ADD3: variants seen among roughly 807,000 people sequenced by gnomAD.
The protein encoded by ADD3 is gamma-adducin.
A neutral mutation model predicts 80.2 loss-of-function variants in ADD3; 25 were observed. That is an observed-to-expected ratio of 0.31 (90% CI 0.23 to 0.44). The LOEUF (loss-of-function observed/expected upper bound fraction) is 0.44. Among genes scored for constraint, ADD3 ranks in the 20% least tolerant of loss-of-function variants. The probability of loss-of-function intolerance (pLI) is 1.00; values close to 1 mark genes in which losing one functional copy is unlikely to be tolerated. For missense variants in ADD3, 829 were observed against 847.5 expected, an observed-to-expected ratio of 0.98 and a Z score of 0.27; for synonymous variants, 284 against 289.6, an observed-to-expected ratio of 0.98 and a Z score of 0.20.
chr10:110,088,428 AT>A, intron 1 of ADD3, among the ~76,000 whole-genome samples: 1 of 152,200 alleles, frequency 6.6e-6, no homozygotes, highest in African/African-American at 2.4e-5. Flanking sequence ...ACCAAAAAGT[AT>A]TTTTGCAAGT....
At chr10:110,105,671 C>G (rs1163153472) in intron 2 of ADD3, among the ~76,000 whole-genome samples, 1 of 152,142 alleles carries the variant, frequency 6.6e-6, no homozygotes, top group East Asian at 1.9e-4. Context: ...GACATACTAA[C>G]AGTTTTTAAT....
At chr10:110,110,554 G>C (rs1161047563) in intron 2 of ADD3, among the ~76,000 whole-genome samples, 1 of 152,172 alleles carries the variant, frequency 6.6e-6, no homozygotes, top group Non-Finnish European at 1.5e-5. Flanking sequence ...TTAGCACCCA[G>C]CTCTTAGAGT....
At chr10:110,057,914 A>G (rs1858403525) in intron 1 of ADD3, among the ~76,000 whole-genome samples, 1 of 152,258 alleles carries the variant, frequency 6.6e-6, no homozygotes, top group African/African-American at 2.4e-5. Context: ...AGAAAAGCTG[A>G]TGCTAGATAA....
intron 1 of ADD3, among the ~76,000 whole-genome samples, chr10:110,072,330 G>A (rs138324115): frequency 6.6e-6 from 1 of 152,342 alleles, no homozygotes; most frequent in East Asian, 1.9e-4. Flanking sequence ...CTCCCAAAGT[G>A]CTGGGATTAC....
chr10:110,021,103 G>C (rs1383373014), intron 1 of ADD3, among the ~76,000 whole-genome samples: 1 of 152,038 alleles, frequency 6.6e-6, no homozygotes, highest in Admixed American at 6.6e-5. Context: ...GCTCTAATAT[G>C]GGTTTGAAGT....
At chr10:110,071,862 C>T (rs1378144873) in intron 1 of ADD3, among the ~76,000 whole-genome samples, 1 of 152,152 alleles carries the variant, frequency 6.6e-6, no homozygotes, top group Non-Finnish European at 1.5e-5. Context: ...GCTGAACTTA[C>T]CAATCATTGT....
chr10:110,076,440 C>T (rs561106521), intron 1 of ADD3, among the ~76,000 whole-genome samples: 3 of 152,142 alleles, frequency 2.0e-5, no homozygotes, highest in African/African-American at 7.2e-5. Flanking sequence ...TTTACATGTA[C>T]ATTTCAATAT....
upstream of ADD3, among the ~76,000 whole-genome samples, chr10:110,007,155 T>C (rs1851704817): frequency 6.6e-6 from 1 of 152,158 alleles, no homozygotes; most frequent in Non-Finnish European, 1.5e-5. Context: ...CGCATTCATT[T>C]TGAAGGTTCT....
At chr10:110,010,435 G>A (rs747072864) in intron 1 of ADD3, among the ~76,000 whole-genome samples, 3 of 152,180 alleles carry the variant, frequency 2.0e-5, no homozygotes, top group Admixed American at 6.5e-5. Flanking sequence ...ACTGTGTAGC[G>A]TGTTGGGGAA....
chr10:110,051,058 G>C (rs1195042178), intron 1 of ADD3, among the ~76,000 whole-genome samples: 1 of 152,166 alleles, frequency 6.6e-6, no homozygotes, highest in Non-Finnish European at 1.5e-5. Context: ...ATTCAAGGGG[G>C]AGAAAATGGT....
intron 8 of ADD3, among the ~76,000 whole-genome samples, chr10:110,121,651 C>A (rs1590216704): frequency 6.6e-6 from 1 of 152,200 alleles, no homozygotes; most frequent in South Asian, 2.1e-4. Flanking sequence ...AATGGTTCCT[C>A]CTCTTCTCAA....
chr10:110,072,058 A>C (rs1844784316), intron 1 of ADD3, among the ~76,000 whole-genome samples: 1 of 152,122 alleles, frequency 6.6e-6, no homozygotes, highest in Admixed American at 6.6e-5. Context: ...ACCATGTATA[A>C]TTTTATTTAT....
At chr10:110,061,009 A>G (rs1858819435) in intron 1 of ADD3, among the ~76,000 whole-genome samples, 1 of 152,242 alleles carries the variant, frequency 6.6e-6, no homozygotes, top group Non-Finnish European at 1.5e-5. Context: ...GATGACCTTT[A>G]AGGTCCTTTT....
rs1851859982 is a variant in ADD3 at position 110,124,220 on chromosome 10, G to T, written c.1347G>T (p.Val449=). 1.2e-6 allele frequency: 2 copies of T among 1,614,080 alleles called. No homozygotes were observed. The highest frequency in any genetic ancestry group is 1.7e-5 in the Admixed American group (1 of 60,010). The change falls in exon 10 of 15, where the codon GTG becomes GTT. Residue 449 remains valine (V), a synonymous_variant. Coordinates refer to ENST00000356080, the MANE Select transcript of ADD3 (RefSeq NM_016824.5). ...WLNSPNTYMK[V]NVPEESRNGE... is the part of the protein sequence containing the mutation. ...ACTCACCAAATACTTACATGAAAGT[G>T]AATGTGCCTGAGGAGTCTCGGAACG...
chr10:110,078,721 GAAAT>G (rs1343528930), intron 1 of ADD3, among the ~76,000 whole-genome samples: 4 of 152,022 alleles, frequency 2.6e-5, no homozygotes, highest in Non-Finnish European at 5.9e-5. Context: ...TTACATCTCT[GAAAT>G]AAATCTCTCT....
chr10:110,092,655 T>C (rs1159008478), intron 1 of ADD3, among the ~76,000 whole-genome samples: 2 of 152,002 alleles, frequency 1.3e-5, no homozygotes, highest in African/African-American at 2.4e-5. Context: ...TCATTTGTAC[T>C]CCAAACCCCA....
intron 13 of ADD3, 52 bp downstream of exon 13, chr10:110,130,538 A>G: frequency 6.3e-7 from 1 of 1,587,956 alleles, no homozygotes; most frequent in Non-Finnish European, 8.6e-7. Flanking sequence ...ATAACAATAA[A>G]GTACCTCACG....
chr10:110,051,000 T>C (rs1003581103), intron 1 of ADD3, among the ~76,000 whole-genome samples: 3 of 152,188 alleles, frequency 2.0e-5, no homozygotes, highest in Non-Finnish European at 4.4e-5. Flanking sequence ...TCCCAGAAAG[T>C]AACTCACATA....
intron 1 of ADD3, among the ~76,000 whole-genome samples, chr10:110,093,181 G>A (rs1847766064): frequency 6.6e-6 from 1 of 152,194 alleles, no homozygotes; most frequent in Admixed American, 6.5e-5. Context: ...GATATTAAAT[G>A]AGAAAATCTG....
Sources: allele counts gnomAD v4.1 joint callset (sites outside exome capture counted in the v4.1 genomes callset), GRCh38; gene constraint gnomAD v4.1.1; transcripts MANE v1.5; gene names NCBI Gene and HGNC (gene_info 2026-07-23, HGNC 2026-07-21).